SATL1: variants seen among roughly 807,000 people sequenced by gnomAD.
SATL1 encodes spermidine/spermine N(1)-acetyltransferase-like protein 1.
Under a neutral mutation model 51.8 loss-of-function variants are expected in SATL1, and 47 were observed. The ratio of observed to expected loss-of-function variants is 0.91; its 90% CI spans 0.72 to 1.16. SATL1 has a LOEUF of 1.16. Ranked by LOEUF, SATL1 falls within the 50% of genes most tolerant of loss-of-function variation. SATL1 has a pLI of 0.00. For missense variants in SATL1, 520 were observed against 526.4 expected (o/e 0.99, Z 0.12); for synonymous variants, 176 against 182.4 (o/e 0.97, Z 0.28).
chrX:85,125,091 C>G lies in SATL1; in HGVS notation c.-312-15811G>C, dbSNP rs916822795. Among the ~76,000 whole-genome samples, 10 of 110,448 alleles carry G rather than the reference C, an allele frequency of 9.1e-5. No individual in the cohort carries two copies. The Admixed American group carries it at 9.7e-4, about 11-fold the overall frequency. On this transcript the variant is annotated intron_variant, in intron 2 of 7. Coordinates refer to ENST00000644105, the MANE Select transcript of SATL1 (RefSeq NM_001367857.2). The stretch of plus-strand genomic sequence containing the variant: ...GCTGTTTCAGGCAGTTCTTCCTTAT[C>G]TTAGGATATTGCATACCCAGGGTAC...
rs185980279 is a variant in SATL1 at position 85,160,178 on chromosome X, A to G, written c.-312-50898T>C. ...CATCAAATAGGAGAAAAGAAAAAAAAATCTAGAGGACAGCGACTTTAAAGA... is the reference window on the plus strand; with the variant it reads ...CATCAAATAGGAGAAAAGAAAAAAAGATCTAGAGGACAGCGACTTTAAAGA... On this transcript the variant is annotated intron_variant, in intron 2 of 7. Coordinates refer to ENST00000644105, the MANE Select transcript of SATL1 (RefSeq NM_001367857.2). 1.6e-4 allele frequency among the ~76,000 whole-genome samples: 18 copies of G among 110,530 alleles called. No individual in the cohort carries two copies. The Admixed American group carries it at 1.7e-3, about 11-fold the overall frequency.
At chrX:85,134,621 T>A (rs1310279818) in intron 2 of SATL1, among the ~76,000 whole-genome samples, 1 of 111,858 alleles carries the variant, frequency 8.9e-6, no homozygotes, top group Non-Finnish European at 1.9e-5. Context: ...AAAGTAAAGA[T>A]CAAGTAAAGC....
At chrX:85,229,622 T>TAA (rs1555965904) in intron 1 of SATL1, among the ~76,000 whole-genome samples, 9 of 108,010 alleles carry the variant, frequency 8.3e-5, no homozygotes, top group Admixed American at 3.9e-4. Flanking sequence ...CATTCAGAAT[T>TAA]AAAAAAAAAG....
intron 4 of SATL1, 40 bp from the exon 5 acceptor site, chrX:85,095,036 T>C (rs1244109905): frequency 2.6e-6 from 2 of 776,847 alleles, no homozygotes; most frequent in South Asian, 4.6e-5. Context: ...AGAAAGTTTA[T>C]AGCAGAGAGA....
intron 2 of SATL1, among the ~76,000 whole-genome samples, chrX:85,146,357 G>T (rs1017055841): frequency 9.0e-6 from 1 of 111,579 alleles, no homozygotes; most frequent in Non-Finnish European, 1.9e-5. Flanking sequence ...GTAACACAAA[G>T]AAAGGATAAA....
At chrX:85,175,995 C>T (rs1043610929) in intron 2 of SATL1, among the ~76,000 whole-genome samples, 8 of 111,126 alleles carry the variant, frequency 7.2e-5, no homozygotes, top group African/African-American at 2.6e-4. Context: ...ATCTAAAGCA[C>T]CAAACAAAAG....
At chrX:85,187,216 C>A (rs919659893) in intron 2 of SATL1, among the ~76,000 whole-genome samples, 1 of 111,732 alleles carries the variant, frequency 8.9e-6, no homozygotes, top group Non-Finnish European at 1.9e-5. Context: ...TAATTTTACT[C>A]ATTCTAACAT....
intron 2 of SATL1, among the ~76,000 whole-genome samples, chrX:85,218,082 A>G (rs985579691): frequency 4.3e-4 from 47 of 110,376 alleles, no homozygotes; most frequent in African/African-American, 1.5e-3. Context: ...CATGGACACA[A>G]GGAGGGGAAC....
chrX:85,184,542 A>G (rs1927272858), intron 2 of SATL1, among the ~76,000 whole-genome samples: 1 of 111,536 alleles, frequency 9.0e-6, no homozygotes, highest in African/African-American at 3.3e-5. Context: ...TCCTCTGACT[A>G]CATATTTTCA....
At chrX:85,111,612 T>C (rs1405454630) in intron 2 of SATL1, among the ~76,000 whole-genome samples, 1 of 112,595 alleles carries the variant, frequency 8.9e-6, no homozygotes, top group Non-Finnish European at 1.9e-5. Context: ...TATTTTAATT[T>C]GAAGTTTTCT....
intron 2 of SATL1, among the ~76,000 whole-genome samples, chrX:85,195,168 C>A (rs1927531105): frequency 9.0e-6 from 1 of 111,032 alleles, no homozygotes; most frequent in South Asian, 3.8e-4. Flanking sequence ...AAATACTGAC[C>A]TAGAAGATAT....
chrX:85,141,884 T>G (rs1464398842), intron 2 of SATL1, among the ~76,000 whole-genome samples: 1 of 108,082 alleles, frequency 9.3e-6, no homozygotes, highest in Non-Finnish European at 1.9e-5. Context: ...TATTTGTCTC[T>G]TACCATAATG....
chrX:85,108,010 C>A lies in SATL1; in HGVS notation c.959G>T (p.Gly320Val), dbSNP rs111389700. The change falls in exon 3 of 8, where the codon GGC becomes GTC. Residue 320 changes from glycine (G) to valine (V), a missense_variant. Coordinates refer to ENST00000644105, the MANE Select transcript of SATL1 (RefSeq NM_001367857.2). ...TTGGCTCCTACCTAATTGCCATGTG[C>A]CTGGTTGTTTCATGCCAGGTTGGTT... ...DINQPGMKQP[G>V]TWQLGRSQPG... 2 of 1,209,120 alleles carry A rather than the reference C, an allele frequency of 1.7e-6. No homozygotes were observed. Among genetic ancestry groups the A allele is most frequent in the African/African-American group, 3.5e-5 (2 of 56,808 alleles).
At chrX:85,149,606 C>G (rs1225765214) in intron 2 of SATL1, among the ~76,000 whole-genome samples, 1 of 111,651 alleles carries the variant, frequency 9.0e-6, no homozygotes, top group African/African-American at 3.3e-5. Flanking sequence ...GAAATTATAA[C>G]AAACTGTCTC....
At chrX:85,209,944 CT>C (rs1473131515) in intron 2 of SATL1, 1 of 110,156 alleles carries the variant, frequency 9.1e-6, no homozygotes, top group East Asian at 2.9e-4. Flanking sequence ...AATTTTAGAT[CT>C]TTCCTGCTTT....
chrX:85,152,368 G>A (rs1926471039), intron 2 of SATL1, among the ~76,000 whole-genome samples: 1 of 111,633 alleles, frequency 9.0e-6, no homozygotes, highest in Non-Finnish European at 1.9e-5. Flanking sequence ...CACTGTTGGT[G>A]GGATTGTAAA....
At chrX:85,207,251 GAGCATTGCTT>G (rs1202347296) in intron 2 of SATL1, 2 of 111,509 alleles carry the variant, frequency 1.8e-5, no homozygotes, top group Non-Finnish European at 3.8e-5. Context: ...TCCTTGTTCT[GAGCATTGCTT>G]CCCTAGATAC....
At chrX:85,182,665 T>C (rs987169274) in intron 2 of SATL1, among the ~76,000 whole-genome samples, 4 of 111,958 alleles carry the variant, frequency 3.6e-5, no homozygotes, top group African/African-American at 1.3e-4. Flanking sequence ...TCCATACTGT[T>C]TCTCCATAGT....
chrX:85,208,065 C>T (rs1927825286), intron 2 of SATL1, among the ~76,000 whole-genome samples: 1 of 109,928 alleles, frequency 9.1e-6, no homozygotes, highest in Non-Finnish European at 1.9e-5. Context: ...TTCCAACCCC[C>T]TAACAGGCCC....
Sources: gnomAD v4.1 joint callset for allele counts (sites outside exome capture counted in the v4.1 genomes callset) on GRCh38, gnomAD v4.1.1 for gene constraint, MANE v1.5 for transcripts, NCBI Gene and HGNC (gene_info 2026-07-23, HGNC 2026-07-21) for gene names.